BRINP2: variants seen among roughly 807,000 people sequenced by gnomAD.
The protein encoded by BRINP2 is BMP/retinoic acid-inducible neural-specific protein 2.
A neutral mutation model predicts 69.2 loss-of-function variants in BRINP2; 21 were observed. The ratio of observed to expected loss-of-function variants is 0.30; its 90% CI spans 0.22 to 0.44. BRINP2 has a LOEUF of 0.44. Among genes scored for constraint, BRINP2 ranks in the 20% least tolerant of loss-of-function variants. The pLI, the probability that BRINP2 is intolerant of heterozygous loss-of-function variation, is 1.00. For missense variants in BRINP2, 877 were observed against 986.0 expected (o/e 0.89, Z 1.48); for synonymous variants, 380 against 394.1 (o/e 0.96, Z 0.42).
At chr1:177,267,684 CAA>C (rs1030270152) in intron 4 of BRINP2, among the ~76,000 whole-genome samples, 1 of 152,168 alleles carries the variant, frequency 6.6e-6, no homozygotes, top group Non-Finnish European at 1.5e-5. Context: ...TAGTTTAATA[CAA>C]AGAGTTGGGC....
intron 1 of BRINP2, among the ~76,000 whole-genome samples, chr1:177,202,407 G>C (rs542801744): frequency 2.0e-5 from 3 of 152,242 alleles, no homozygotes; most frequent in Non-Finnish European, 2.9e-5. Flanking sequence ...TTGTGTCTTT[G>C]TTCTTGTTGG....
intron 2 of BRINP2, among the ~76,000 whole-genome samples, chr1:177,235,948 T>C (rs1650008172): frequency 6.6e-6 from 1 of 152,202 alleles, no homozygotes; most frequent in African/African-American, 2.4e-5. Flanking sequence ...GGTTTGCGTT[T>C]TGACCATGAG....
rs931978107 is a variant in BRINP2, at chr1:177,191,044, C to T, written c.-77+19312C>T. ...CAACACATTCATATTGCAAAGGGCC[C>T]TGGCTGTGTCATCAACTCTCCAGAG... is the stretch of plus-strand genomic sequence containing the variant. On this transcript the variant is annotated intron_variant, in intron 1 of 7. Transcript: ENST00000361539. Among the ~76,000 whole-genome samples, 6 of 152,172 alleles carry T rather than the reference C, an allele frequency of 3.9e-5. No individual in the cohort carries two copies. The South Asian group carries it at 1.2e-3, about 31-fold the overall frequency.
At chr1:177,265,446 ACTTTTAC>A (rs1651087872) in intron 4 of BRINP2, among the ~76,000 whole-genome samples, 2 of 152,154 alleles carry the variant, frequency 1.3e-5, no homozygotes, top group African/African-American at 4.8e-5. Flanking sequence ...GACTTCATCA[ACTTTTAC>A]CTGATTTTCT....
At chr1:177,172,849 C>T (rs1333761558) in intron 1 of BRINP2, among the ~76,000 whole-genome samples, 2 of 152,064 alleles carry the variant, frequency 1.3e-5, no homozygotes, top group East Asian at 3.9e-4. Context: ...GTAATCTAGG[C>T]CTTATTCAGC....
At chr1:177,180,309 G>A (rs1648207298) in intron 1 of BRINP2, among the ~76,000 whole-genome samples, 1 of 152,190 alleles carries the variant, frequency 6.6e-6, no homozygotes, top group Non-Finnish European at 1.5e-5. Context: ...GTTCAATGGG[G>A]TGGGTGACTT....
At chr1:177,254,277 G>T (rs148659264) in intron 2 of BRINP2, among the ~76,000 whole-genome samples, 3 of 151,918 alleles carry the variant, frequency 2.0e-5, no homozygotes, top group East Asian at 3.9e-4. Flanking sequence ...AAATAAAACT[G>T]CTGGTACTTT....
intron 4 of BRINP2, among the ~76,000 whole-genome samples, chr1:177,273,018 T>C (rs1651378354): frequency 6.6e-6 from 1 of 152,218 alleles, no homozygotes; most frequent in African/African-American, 2.4e-5. Flanking sequence ...AAATGTTTAA[T>C]ACTAATACTA....
intron 1 of BRINP2, among the ~76,000 whole-genome samples, chr1:177,182,880 G>A (rs1648301930): frequency 6.6e-6 from 1 of 152,198 alleles, no homozygotes. Flanking sequence ...TACTCATCAA[G>A]TCTGATATGT....
intron 1 of BRINP2, among the ~76,000 whole-genome samples, chr1:177,228,256 CA>C (rs1649761397): frequency 6.6e-6 from 1 of 152,220 alleles, no homozygotes; most frequent in Non-Finnish European, 1.5e-5. Context: ...CTGTGTCCTC[CA>C]TCCTTCTAAG....
At chr1:177,227,606 AAG>A (rs901765255) in intron 1 of BRINP2, among the ~76,000 whole-genome samples, 17 of 151,154 alleles carry the variant, frequency 1.1e-4, no homozygotes, top group African/African-American at 4.1e-4. Context: ...TTAGTTTCAA[AAG>A]AGTTTTTTTT....
chr1:177,277,583 T>G (rs533607599), intron 6 of BRINP2, among the ~76,000 whole-genome samples: 32 of 150,346 alleles, frequency 2.1e-4, no homozygotes, highest in African/African-American at 7.8e-4. Context: ...TCTGAGGAGA[T>G]GAGGAACCAG....
chr1:177,257,536 G>A (rs992103073), intron 4 of BRINP2, 152 bp downstream of exon 4: 106 of 763,168 alleles, frequency 1.4e-4, no homozygotes, highest in South Asian at 3.7e-4. Flanking sequence ...CTTCAGACAC[G>A]ATGGGGTCAT....
chr1:177,273,604 C>A lies in BRINP2; in HGVS notation c.775+11C>A. ...AAGTACAGTTACTTGGTAAGCAGCACTATGATGGTTTTCATACCTTTCACA... is the reference window on the plus strand; with the variant it reads ...AAGTACAGTTACTTGGTAAGCAGCAATATGATGGTTTTCATACCTTTCACA... On this transcript the variant is annotated intron_variant, in intron 5 of 7. Transcript: ENST00000361539. The A allele has an allele frequency of 6.6e-7, 1 of 1,518,928 alleles. No homozygotes were observed. 94.1% of individuals were successfully genotyped at this position (1,518,928 alleles called of 1,614,324 possible).
chr1:177,280,922 G>A lies in BRINP2; in HGVS notation c.1746G>A (p.Leu582=). The change falls in exon 8 of 8, where the codon CTG becomes CTA. Residue 582 remains leucine (L), a synonymous_variant. Coordinates refer to ENST00000361539, the MANE Select transcript of BRINP2 (RefSeq NM_021165.4). ...LQICLTKNST[L]EPVMAIYVNP... ...TCTGTCTCACCAAGAACAGCACCCTGGAGCCTGTCATGGCCATCTACGTCA... is the reference window on the plus strand; with the variant it reads ...TCTGTCTCACCAAGAACAGCACCCTAGAGCCTGTCATGGCCATCTACGTCA... 1 of 1,614,206 alleles carries A rather than the reference G, an allele frequency of 6.2e-7. No homozygotes were observed. The highest frequency in any genetic ancestry group is 8.5e-7 in the Non-Finnish European group (1 of 1,180,034).
At chr1:177,243,604 C>T (rs1233731879) in intron 2 of BRINP2, among the ~76,000 whole-genome samples, 1 of 152,100 alleles carries the variant, frequency 6.6e-6, no homozygotes, top group Non-Finnish European at 1.5e-5. Flanking sequence ...GATCAAGAGC[C>T]AAGATTGTTT....
intron 1 of BRINP2, among the ~76,000 whole-genome samples, chr1:177,180,457 G>T (rs1648212266): frequency 6.6e-6 from 1 of 152,182 alleles, no homozygotes; most frequent in Admixed American, 6.5e-5. Context: ...CACAAAAATT[G>T]TAAAGATTAA....
intron 1 of BRINP2, among the ~76,000 whole-genome samples, chr1:177,189,192 T>A (rs1004765081): frequency 2.0e-5 from 3 of 152,146 alleles, no homozygotes; most frequent in Non-Finnish European, 2.9e-5. Flanking sequence ...CAAGTTAGAC[T>A]TGATTCTGAA....
intron 4 of BRINP2, among the ~76,000 whole-genome samples, chr1:177,271,123 C>T (rs1446559360): frequency 6.6e-6 from 1 of 152,190 alleles, no homozygotes; most frequent in Non-Finnish European, 1.5e-5. Context: ...TCTGCGAGTT[C>T]CAAATGCTCC....
Sources: allele counts gnomAD v4.1 joint callset (sites outside exome capture counted in the v4.1 genomes callset), GRCh38; gene constraint gnomAD v4.1.1; transcripts MANE v1.5; gene names NCBI Gene and HGNC (gene_info 2026-07-23, HGNC 2026-07-21).